The following MGAT5 variants were observed in gnomAD, a reference collection of about 807,000 sequenced individuals.
MGAT5 encodes alpha-1,6-mannosylglycoprotein 6-beta-N-acetylglucosaminyltransferase, also known as alpha-1,6-mannosylglycoprotein 6-beta-N-acetylglucosaminyltransferase A.
In MGAT5, 30 loss-of-function variants were observed where a neutral mutation model predicts 94.3. The observed-to-expected ratio is 0.32, with a 90% CI of 0.24 to 0.43. The LOEUF is 0.43. Ranked by LOEUF, MGAT5 falls within the 20% of genes least tolerant of loss-of-function variation. MGAT5 has a pLI of 1.00. For synonymous variants in MGAT5, 310 were observed against 322.9 expected (o/e 0.96, Z 0.43); for missense variants, 691 against 905.5 (o/e 0.76, Z 3.04).
At chr2:134,424,055 C>T (rs66657084) in intron 13 of MGAT5, among the ~76,000 whole-genome samples, 19,728 of 152,140 alleles carry the variant, frequency 0.13, 1,691 homozygotes, top group East Asian at 0.31. Context: ...GCTCCAGGAG[C>T]GGAAGCTGGG....
chr2:134,169,808 A>G (rs1688123569), intron 1 of MGAT5, among the ~76,000 whole-genome samples: 1 of 152,180 alleles, frequency 6.6e-6, no homozygotes, highest in African/African-American at 2.4e-5. Context: ...TTTCTTGGTG[A>G]CCAGGTGTTT....
chr2:134,382,441 GT>G lies in MGAT5; in HGVS notation c.1380+20038del, dbSNP rs1302025835. 2.0e-5 allele frequency among the ~76,000 whole-genome samples: 3 copies of G among 152,180 alleles called. No individual in the cohort carries two copies. The East Asian group carries it at 5.8e-4, about 29-fold the overall frequency. On this transcript the variant is annotated intron_variant, in intron 10 of 15. Coordinates refer to ENST00000281923, the MANE Select transcript of MGAT5 (RefSeq NM_002410.5). ...TGCCCAGAATGCTTCTTTAAAGAGT[GT>G]TTTTCAAATATCGTGTGCCTGAAAA...
intron 1 of MGAT5, among the ~76,000 whole-genome samples, chr2:134,139,946 G>A (rs1402865291): frequency 6.6e-6 from 1 of 152,160 alleles, no homozygotes; most frequent in Non-Finnish European, 1.5e-5. Flanking sequence ...TCTACACCCA[G>A]GTTTAGGGAG....
intron 15 of MGAT5, among the ~76,000 whole-genome samples, 159 bp from the exon 16 acceptor site, chr2:134,448,490 G>A (rs1169362617): frequency 2.6e-5 from 4 of 152,182 alleles, no homozygotes; most frequent in Non-Finnish European, 5.9e-5. Flanking sequence ...TAGAGGTGGA[G>A]GATTGCAGAC....
At chr2:134,299,805 G>T (rs146446979) in intron 2 of MGAT5, among the ~76,000 whole-genome samples, 108 of 152,206 alleles carry the variant, frequency 7.1e-4, no homozygotes, top group African/African-American at 2.6e-3. Context: ...GCCTCTTGTT[G>T]CAGTTCTCTC....
At chr2:134,279,521 G>GA (rs767709545) in intron 2 of MGAT5, among the ~76,000 whole-genome samples, 2 of 152,092 alleles carry the variant, frequency 1.3e-5, no homozygotes, top group Non-Finnish European at 2.9e-5. Flanking sequence ...ACCCTTCAAG[G>GA]AATACATGGC....
intron 10 of MGAT5, among the ~76,000 whole-genome samples, chr2:134,376,587 C>G (rs554034618): frequency 6.6e-6 from 1 of 152,332 alleles, no homozygotes; most frequent in East Asian, 1.9e-4. Flanking sequence ...ACTCATTCCT[C>G]CTCTGTGACC....
intron 10 of MGAT5, among the ~76,000 whole-genome samples, chr2:134,368,544 A>G (rs1290256509): frequency 2.0e-5 from 3 of 152,174 alleles, no homozygotes; most frequent in Non-Finnish European, 4.4e-5. Flanking sequence ...TGCCTGAGAA[A>G]TCAGGCAGCA....
At chr2:134,136,479 A>G (rs952738777) in intron 1 of MGAT5, among the ~76,000 whole-genome samples, 1 of 152,208 alleles carries the variant, frequency 6.6e-6, no homozygotes, top group Non-Finnish European at 1.5e-5. Context: ...AGGCAGGAGA[A>G]TCACTTGAAT....
intron 1 of MGAT5, among the ~76,000 whole-genome samples, chr2:134,162,856 G>A (rs990946536): frequency 1.3e-5 from 2 of 152,230 alleles, no homozygotes; most frequent in Non-Finnish European, 2.9e-5. Context: ...AGATGAAACC[G>A]AGGTTTAGAG....
intron 1 of MGAT5, among the ~76,000 whole-genome samples, chr2:134,146,443 C>G (rs1247129458): frequency 6.6e-6 from 1 of 151,810 alleles, no homozygotes; most frequent in Non-Finnish European, 1.5e-5. Context: ...GCCTATAGTG[C>G]TAGTTACTTG....
chr2:134,372,604 A>G (rs1464980004), intron 10 of MGAT5, among the ~76,000 whole-genome samples: 2 of 152,112 alleles, frequency 1.3e-5, no homozygotes, highest in East Asian at 3.9e-4. Context: ...TGACCTTTAC[A>G]CTGTAGAGCT....
At chr2:134,196,456 T>TA (rs1679500140) in intron 1 of MGAT5, among the ~76,000 whole-genome samples, 1 of 151,290 alleles carries the variant, frequency 6.6e-6, no homozygotes, top group Non-Finnish European at 1.5e-5. Context: ...CTCTTTAAAA[T>TA]ACGTGTTTTG....
intron 6 of MGAT5, among the ~76,000 whole-genome samples, chr2:134,339,109 T>A (rs1264543303): frequency 1.3e-5 from 2 of 152,152 alleles, no homozygotes; most frequent in Non-Finnish European, 1.5e-5. Context: ...TTGATATGTT[T>A]GAAAAAGAAA....
At chr2:134,129,080 T>C (rs908532905) in intron 1 of MGAT5, among the ~76,000 whole-genome samples, 4 of 152,222 alleles carry the variant, frequency 2.6e-5, no homozygotes, top group African/African-American at 9.6e-5. Flanking sequence ...TTTATTCTCT[T>C]TGAATTCTGT....
intron 1 of MGAT5, among the ~76,000 whole-genome samples, chr2:134,212,842 A>G (rs567117058): frequency 1.2e-4 from 19 of 152,294 alleles, no homozygotes; most frequent in African/African-American, 3.8e-4. Flanking sequence ...GTATCCAACT[A>G]TTATCTTCCA....
chr2:134,172,055 T>A (rs1444192418), intron 1 of MGAT5, among the ~76,000 whole-genome samples: 1 of 152,238 alleles, frequency 6.6e-6, no homozygotes, highest in East Asian at 1.9e-4. Flanking sequence ...TTTATGTGTA[T>A]AGAATTAGTG....
Position 134,258,874 on chromosome 2 carries a change from C to G in MGAT5, c.241+4230C>G, listed in dbSNP as rs145660306. 1.3e-3 allele frequency among the ~76,000 whole-genome samples: 192 copies of G among 152,290 alleles called. 2 individuals carry two copies. The highest frequency in any genetic ancestry group is 4.5e-3 in the African/African-American group (185 of 41,568). ...TAAAGTGGGGTGTCAGTGCCTCTCA[C>G]CAAGGACTGTGAGACATGAGCAAAG... On this transcript the variant is annotated intron_variant, in intron 1 of 15. Coordinates refer to ENST00000281923, the MANE Select transcript of MGAT5 (RefSeq NM_002410.5).
At chr2:134,286,479 T>C (rs143071178) in intron 2 of MGAT5, among the ~76,000 whole-genome samples, 20 of 152,206 alleles carry the variant, frequency 1.3e-4, no homozygotes, top group Non-Finnish European at 2.9e-4. Flanking sequence ...TTGCCTAGGC[T>C]GGAGTATAGT....
Sources: gnomAD v4.1 joint callset for allele counts (sites outside exome capture counted in the v4.1 genomes callset) on GRCh38, gnomAD v4.1.1 for gene constraint, MANE v1.5 for transcripts, NCBI Gene and HGNC (gene_info 2026-07-23, HGNC 2026-07-21) for gene names.